The following CBFA2T3 variants were observed in gnomAD, a reference collection of about 807,000 sequenced individuals.
The protein encoded by CBFA2T3 is CBFA2/RUNX1 partner transcriptional co-repressor 3.
A neutral mutation model predicts 58.6 loss-of-function variants in CBFA2T3; 31 were observed. The observed-to-expected ratio is 0.53, with a 90% CI of 0.40 to 0.71. The LOEUF is 0.71. CBFA2T3 is among the 30% of genes least tolerant of loss of function. The pLI, the probability that CBFA2T3 is intolerant of heterozygous loss-of-function variation, is 0.00. For missense variants in CBFA2T3, 1,076 were observed against 963.1 expected, an observed-to-expected ratio of 1.12 and a Z score of -1.55; for synonymous variants, 531 against 421.9, an observed-to-expected ratio of 1.26 and a Z score of -3.17.
chr16:88,881,125 C>T, intron 9 of CBFA2T3, 166 bp downstream of exon 9: 2 of 757,882 alleles, frequency 2.6e-6, no homozygotes, highest in East Asian at 2.7e-5. Context: ...CTCCAGGCTT[C>T]CTGGCAGACC....
intron 1 of CBFA2T3, among the ~76,000 whole-genome samples, chr16:88,971,064 G>A (rs1448661189): frequency 3.3e-5 from 5 of 152,162 alleles, no homozygotes; most frequent in African/African-American, 9.7e-5. Context: ...GGGCTGGGCC[G>A]TGGGTGTGCG....
rs1043501266 is a variant in CBFA2T3, at chr16:88,880,614, C to T, written c.1471+106G>A. 43 of 929,436 alleles carry T rather than the reference C, an allele frequency of 4.6e-5. 1 individual carries two copies. The highest frequency in any genetic ancestry group is 4.5e-4 in the South Asian group (30 of 67,312). The allele number at this position is 929,436 out of a possible 1,614,324, so 57.6% of individuals were successfully genotyped here. ...AATGCAGAAAGCCTTGTAGCCTGAG[C>T]CCCCAGAGAGAGACAGAAGCTCTTC... On this transcript the variant is annotated intron_variant, in intron 10 of 11. Coordinates refer to ENST00000268679, the MANE Select transcript of CBFA2T3 (RefSeq NM_005187.6).
intron 1 of CBFA2T3, among the ~76,000 whole-genome samples, chr16:88,954,719 C>T (rs1972173010): frequency 2.2e-5 from 1 of 44,890 alleles, no homozygotes. Flanking sequence ...GGCTCCTGAC[C>T]CTACCCAAGG....
intron 1 of CBFA2T3, among the ~76,000 whole-genome samples, chr16:88,975,271 T>TCTGCTCCTGACCTGC (rs1972825442): frequency 7.6e-6 from 1 of 131,048 alleles, no homozygotes; most frequent in Non-Finnish European, 1.7e-5. Context: ...TTCATGCCTC[T>TCTGCTCCTGACCTGC]AGCCAGCAGC....
At chr16:88,877,415 G>C (rs1968882756) in intron 11 of CBFA2T3, 140 bp from the exon 12 acceptor site, 4 of 695,620 alleles carry the variant, frequency 5.8e-6, no homozygotes, top group Non-Finnish European at 9.3e-6. Flanking sequence ...CAGCCCTCGG[G>C]CCATGCTCCA....
At chr16:88,935,235 G>A (rs542754045) in intron 1 of CBFA2T3, among the ~76,000 whole-genome samples, 7 of 152,332 alleles carry the variant, frequency 4.6e-5, no homozygotes, top group African/African-American at 1.4e-4. Context: ...AGGAGAGGCT[G>A]CATGGAAGGG....
At chr16:88,884,922 T>A (rs55879711) in intron 7 of CBFA2T3, 124 bp downstream of exon 7, 19,198 of 670,664 alleles carry the variant, frequency 0.029, 322 homozygotes, top group Non-Finnish European at 0.037. Flanking sequence ...GGGGAAGGGG[T>A]CTCCCGAGCT....
chr16:88,917,308 G>A (rs988566745), intron 1 of CBFA2T3, among the ~76,000 whole-genome samples: 1 of 152,178 alleles, frequency 6.6e-6, no homozygotes, highest in Non-Finnish European at 1.5e-5. Flanking sequence ...GGTTCTGAAG[G>A]CTGCGGAACT....
chr16:88,884,666 C>G (rs566836076), intron 7 of CBFA2T3: 17 of 192,092 alleles, frequency 8.8e-5, no homozygotes, highest in South Asian at 6.0e-4. Context: ...CCTGCATTAA[C>G]TCCCCCAGGC....
intron 1 of CBFA2T3, among the ~76,000 whole-genome samples, chr16:88,923,728 C>T (rs943180838): frequency 1.3e-5 from 2 of 152,230 alleles, no homozygotes; most frequent in African/African-American, 2.4e-5. Context: ...GGGAAGGCTC[C>T]GACATGGAGG....
chr16:88,975,133 T>TCACCTCCA (rs1972775045), intron 1 of CBFA2T3, among the ~76,000 whole-genome samples: 2 of 127,746 alleles, frequency 1.6e-5, no homozygotes, highest in Non-Finnish European at 3.5e-5. Context: ...CCTCTGCTCC[T>TCACCTCCA]GACCTGCAGC....
chr16:88,889,136 C>A (rs993177096), intron 5 of CBFA2T3, among the ~76,000 whole-genome samples: 1 of 151,466 alleles, frequency 6.6e-6, no homozygotes, highest in South Asian at 2.1e-4. Context: ...GGGTGGAGTC[C>A]GCAGCAAGTT....
intron 10 of CBFA2T3, 118 bp downstream of exon 10, chr16:88,880,602 T>C (rs138640027): frequency 1.4e-4 from 118 of 850,660 alleles, no homozygotes; most frequent in Middle Eastern, 4.5e-4. Context: ...GCAGAAAGCC[T>C]TGTAGCCTGA....
intron 1 of CBFA2T3, among the ~76,000 whole-genome samples, chr16:88,952,269 C>A (rs1406224568): frequency 6.6e-6 from 1 of 152,246 alleles, no homozygotes; most frequent in Non-Finnish European, 1.5e-5. Context: ...GCCAGGACAC[C>A]CGGGGAGGCT....
intron 3 of CBFA2T3, among the ~76,000 whole-genome samples, chr16:88,895,055 C>T (rs566394154): frequency 1.3e-5 from 2 of 152,266 alleles, no homozygotes; most frequent in South Asian, 2.1e-4. Flanking sequence ...TCTGTCTGGA[C>T]GGGAGGGAAC....
rs754290163 is a variant in CBFA2T3 at position 88,880,833 on chromosome 16, C to T, written c.1403-45G>A. 5.9e-6 allele frequency: 9 copies of T among 1,523,398 alleles called. No individual in the cohort carries two copies. In the Admixed American group the frequency reaches 1.4e-4, roughly 23 times the overall value. The allele number at this position is 1,523,398 out of a possible 1,614,324, so 94.4% of individuals were successfully genotyped here. ...CACACAGGATGGGCCACGCGGCTGC[C>T]CCTCCCACGCTGGGGCCCTCCCCAC... On this transcript the variant is annotated intron_variant, in intron 9 of 11. Transcript: ENST00000268679.
intron 1 of CBFA2T3, among the ~76,000 whole-genome samples, chr16:88,916,805 G>C (rs1243172548): frequency 2.0e-5 from 3 of 152,186 alleles, no homozygotes; most frequent in African/African-American, 7.2e-5. Context: ...AGGCGAGACT[G>C]CTAGGTGGAG....
intron 1 of CBFA2T3, among the ~76,000 whole-genome samples, chr16:88,923,533 C>T (rs948296332): frequency 6.6e-6 from 1 of 152,256 alleles, no homozygotes; most frequent in Non-Finnish European, 1.5e-5. Context: ...GCAACAAATG[C>T]ACTTCCTGCT....
At chr16:88,940,944 G>T in intron 1 of CBFA2T3, 6 of 750,258 alleles carry the variant, frequency 8.0e-6, no homozygotes, top group Non-Finnish European at 9.8e-6. Flanking sequence ...CGGCTGCGGC[G>T]CAGATCCGGG....
Sources: gnomAD v4.1 joint callset for allele counts (sites outside exome capture counted in the v4.1 genomes callset) on GRCh38, gnomAD v4.1.1 for gene constraint, MANE v1.5 for transcripts, NCBI Gene and HGNC (gene_info 2026-07-23, HGNC 2026-07-21) for gene names.